Variants in RP9 observed in about 807,000 individuals in gnomAD.
RP9 encodes the protein retinitis pigmentosa 9 protein.
Under a neutral mutation model 32.6 loss-of-function variants are expected in RP9, and 23 were observed. The observed-to-expected ratio is 0.71, with a 90% CI of 0.51 to 1.00. The LOEUF is 1.00. Among genes scored for constraint, RP9 ranks in the 50% least tolerant of loss-of-function variants. The pLI is 0.00. For missense variants in RP9, 245 were observed against 285.3 expected (o/e 0.86, Z 1.02); for synonymous variants, 94 against 103.6 (o/e 0.91, Z 0.56).
chr7:33,098,384 C>T (rs1788373563), intron 3 of RP9, among the ~76,000 whole-genome samples: 6 of 152,212 alleles, frequency 3.9e-5, no homozygotes, highest in Admixed American at 3.9e-4. Flanking sequence ...ACCCTGTTTT[C>T]CTGACCCTGG....
Position 33,096,528 on chromosome 7 carries a change from G to A in RP9, c.432C>T (p.Ile144=), listed in dbSNP as rs1788336872. 2.5e-6 allele frequency: 4 copies of A among 1,611,968 alleles called. No individual in the cohort carries two copies. Among genetic ancestry groups the A allele is most frequent in the Non-Finnish European group, 3.4e-6 (4 of 1,178,374 alleles). Residue 144 remains isoleucine (I), a synonymous_variant, in exon 5 of 6, where the codon ATC becomes ATT. Coordinates refer to ENST00000297157, the MANE Select transcript of RP9 (RefSeq NM_203288.2). ...RVAHEDPMYD[I]IRDNKRHEKD... ...TTTCATGTCGTTTATTGTCTCGTATGATGTCATACATGGGATCTTCATGTG... is the reference window on the plus strand; with the variant it reads ...TTTCATGTCGTTTATTGTCTCGTATAATGTCATACATGGGATCTTCATGTG...
chr7:33,105,901 T>C (rs1425786340), intron 1 of RP9, among the ~76,000 whole-genome samples: 1 of 152,208 alleles, frequency 6.6e-6, no homozygotes, highest in African/African-American at 2.4e-5. Context: ...ATACATTTGT[T>C]ATGCTTTTTT....
In RP9 at chr7:33,104,575, A is replaced by C. The variant is rs1788472288; in HGVS notation, c.153-4014T>G. Among the ~76,000 whole-genome samples the C allele has an allele frequency of 2.6e-5, 4 of 152,296 alleles. No individual in the cohort carries two copies. The South Asian group carries it at 8.3e-4, about 32-fold the overall frequency. ...AGGGTGAGGTGAACTTGAACAGGTA[A>C]CTTATAAAAGAAAGGGACTCAGAAT... On this transcript the variant is annotated intron_variant, in intron 1 of 5. Coordinates refer to ENST00000297157, the MANE Select transcript of RP9 (RefSeq NM_203288.2).
chr7:33,099,146 G>A, intron 3 of RP9, 161 bp downstream of exon 3: 1 of 798,830 alleles, frequency 1.3e-6, no homozygotes, highest in Non-Finnish European at 2.1e-6. Flanking sequence ...ACATGGCACG[G>A]TGGTGGGGGG....
chr7:33,098,418 A>G (rs1211081147), intron 3 of RP9, among the ~76,000 whole-genome samples: 1 of 152,128 alleles, frequency 6.6e-6, no homozygotes, highest in Admixed American at 6.6e-5. Flanking sequence ...AATGTGTGGA[A>G]AAGGTAAAAC....
chr7:33,100,233 C>T (rs966484673), intron 2 of RP9: 10 of 462,412 alleles, frequency 2.2e-5, no homozygotes, highest in East Asian at 4.3e-5. Context: ...CGGGTGAGGC[C>T]GACAAGGAAA....
intron 1 of RP9, among the ~76,000 whole-genome samples, chr7:33,106,229 G>A (rs987031642): frequency 6.6e-6 from 1 of 151,800 alleles, no homozygotes; most frequent in African/African-American, 2.4e-5. Flanking sequence ...GTCCTGGAGT[G>A]CAGCCATGGC....
chr7:33,108,155 T>C (rs569484444), intron 1 of RP9, among the ~76,000 whole-genome samples: 1 of 152,364 alleles, frequency 6.6e-6, no homozygotes, highest in South Asian at 2.1e-4. Context: ...CGTTAGGCTA[T>C]ACTTAACACC....
chr7:33,104,863 G>A (rs954995804), intron 1 of RP9, among the ~76,000 whole-genome samples: 1 of 152,170 alleles, frequency 6.6e-6, no homozygotes, highest in Admixed American at 6.5e-5. Flanking sequence ...TTACAGGTGT[G>A]AGCCAGCATG....
Position 33,109,342 on chromosome 7 carries a change from C to T in RP9, c.31G>A (p.Gly11Arg). The T allele has an allele frequency of 6.9e-7, 1 of 1,447,350 alleles. No homozygotes were observed. Among genetic ancestry groups the T allele is most frequent in the Non-Finnish European group, 9.1e-7 (1 of 1,103,904 alleles). 89.7% of individuals were successfully genotyped at this position (1,447,350 alleles called of 1,614,324 possible). A position where few individuals can be genotyped will look rare whatever the true frequency, so the allele number is the denominator to read the frequency against. The change falls in exon 1 of 6, where the codon GGG becomes AGG. Residue 11 changes from glycine (G) to arginine (R), a missense_variant. By Grantham distance (125) the Gly-to-Arg change is moderately radical. This residue lies in a region of RP9 where 182 missense variants were observed against 175.5 expected (regional missense o/e 1.04). Transcript: ENST00000297157. This position sits in a 1 kb window ranked among gnomAD's most constrained non-coding sequence, Gnocchi z 4.9. ...CGCGGCCGCCGCGCGCCCGCAGCCC[C>T]CACGTCCTCGCGCCCAGGCCGGGAC... MSSRPGREDV[G>R]AAGARRPREP...
intron 2 of RP9, chr7:33,100,302 C>T (rs1236291104): frequency 6.8e-6 from 4 of 591,670 alleles, no homozygotes; most frequent in East Asian, 2.9e-5. Context: ...AAGGAATCCA[C>T]GTGGGCCTGC....
At chr7:33,099,556 A>AC in intron 2 of RP9, 120 bp from the exon 3 acceptor site, 1 of 1,017,102 alleles carries the variant, frequency 9.8e-7, no homozygotes, top group South Asian at 1.3e-5. Context: ...CATCTTAGTT[A>AC]CCCCTCAAAA....
chr7:33,099,402 T>C lies in RP9; in HGVS notation c.218A>G (p.Asp73Gly). The C allele has an allele frequency of 6.2e-7, 1 of 1,613,502 alleles. No individual in the cohort carries two copies. Among genetic ancestry groups the C allele is most frequent in the Admixed American group, 1.7e-5 (1 of 59,896 alleles). The change falls in exon 3 of 6, where the codon GAT becomes GGT. Residue 73 changes from aspartate to glycine, a missense_variant. Asp to Gly is a moderately conservative substitution (Grantham distance 94, BLOSUM62 -1). Coordinates refer to ENST00000297157, the MANE Select transcript of RP9 (RefSeq NM_203288.2). ...DETKPEDCIP[D>G]VPGNEHAREF... ...CCTGGCGTGTTCATTGCCTGGTACA[T>C]CTGGTATGCAATCTTCTGGCTTAGT...
chr7:33,104,670 A>G (rs1788473749), intron 1 of RP9, among the ~76,000 whole-genome samples: 1 of 152,120 alleles, frequency 6.6e-6, no homozygotes, highest in Non-Finnish European at 1.5e-5. Flanking sequence ...CTGAGTGAAA[A>G]TTGTTGTTAC....
Position 33,095,015 on chromosome 7 carries a change from T to C in RP9, c.*219A>G. The C allele has an allele frequency of 1.7e-6, 1 of 573,652 alleles. No homozygotes were observed. Among genetic ancestry groups the C allele is most frequent in the South Asian group, 2.1e-5 (1 of 48,022 alleles). 35.5% of individuals were successfully genotyped at this position (573,652 alleles called of 1,614,324 possible). A position where few individuals can be genotyped will look rare whatever the true frequency, so the allele number is the denominator to read the frequency against. On this transcript the variant is annotated 3_prime_UTR_variant, in exon 6 of 6. Transcript: ENST00000297157. ...CAGGGAGGACAACGATGAAGAAACTTTCCTGCCTAAAATCAGCTGCTGTCC... is the reference window on the plus strand; with the variant it reads ...CAGGGAGGACAACGATGAAGAAACTCTCCTGCCTAAAATCAGCTGCTGTCC...
chr7:33,109,322 C>T lies in RP9; in HGVS notation c.51G>A (p.Arg17=). The T allele has an allele frequency of 6.9e-7, 1 of 1,458,800 alleles. No individual in the cohort carries two copies. The highest frequency in any genetic ancestry group is 9.0e-7 in the Non-Finnish European group (1 of 1,109,778). The allele number at this position is 1,458,800 out of a possible 1,614,324, so 90.4% of individuals were successfully genotyped here. ...GCTCCTGCTCCGGCGGCTCACGCGGCCGCCGCGCGCCCGCAGCCCCCACGT... is the reference window on the plus strand; with the variant it reads ...GCTCCTGCTCCGGCGGCTCACGCGGTCGCCGCGCGCCCGCAGCCCCCACGT... ...REDVGAAGAR[R]PREPPEQELQ... The change falls in exon 1 of 6, where the codon CGG becomes CGA. Residue 17 remains arginine (R), a synonymous_variant. Transcript: ENST00000297157. This position sits in a 1 kb window ranked among gnomAD's most constrained non-coding sequence, Gnocchi z 4.9.
At position 33,096,504 on chromosome 7, in the gene RP9, T is replaced by C. The variant is rs1458318701; in HGVS notation, c.456A>G (p.Glu152=). The C allele has an allele frequency of 1.9e-6, 3 of 1,612,096 alleles. No individual in the cohort carries two copies. Among genetic ancestry groups the C allele is most frequent in the Non-Finnish European group, 2.5e-6 (3 of 1,178,170 alleles). ...YDIIRDNKRH[E]KDVRIQQLKQ... ...CAGGACGACCTCACCTTACGTCCTT[T>C]TCATGTCGTTTATTGTCTCGTATGA... Residue 152 remains glutamate (E), a synonymous_variant, in exon 5 of 6, where the codon GAA becomes GAG. Coordinates refer to ENST00000297157, the MANE Select transcript of RP9 (RefSeq NM_203288.2).
At chr7:33,095,478 C>T (rs1193495769) in intron 5 of RP9, 46 bp from the exon 6 acceptor site, 4 of 1,610,356 alleles carry the variant, frequency 2.5e-6, no homozygotes, top group Non-Finnish European at 3.4e-6. Context: ...TTAGCTTTAA[C>T]TTACAACAGT....
chr7:33,104,974 CA>C (rs920700718), intron 1 of RP9, among the ~76,000 whole-genome samples: 16 of 152,232 alleles, frequency 1.1e-4, no homozygotes, highest in African/African-American at 3.6e-4. Flanking sequence ...TGCAAGGTGT[CA>C]AAAACTTTAC....
Sources: gnomAD v4.1 joint callset for allele counts (sites outside exome capture counted in the v4.1 genomes callset) on GRCh38, gnomAD v4.1.1 for gene constraint, gnomAD v4.1.1 regional missense constraint, Gnocchi (gnomAD v3.1) non-coding constraint, MANE v1.5 for transcripts, NCBI Gene and HGNC (gene_info 2026-07-23, HGNC 2026-07-21) for gene names.